The following LUZP2 variants were observed in gnomAD, a reference collection of about 807,000 sequenced individuals.
LUZP2 encodes the protein leucine zipper protein 2.
Under a neutral mutation model 51.6 loss-of-function variants are expected in LUZP2, and 52 were observed. The ratio of observed to expected loss-of-function variants is 1.01; its 90% CI spans 0.81 to 1.27. The LOEUF is 1.27. LUZP2 is among the 50% of genes most tolerant of loss of function. LUZP2 has a pLI of 0.00. For missense variants in LUZP2, 436 were observed against 395.4 expected, an observed-to-expected ratio of 1.10 and a Z score of -0.87; for synonymous variants, 154 against 137.3, an observed-to-expected ratio of 1.12 and a Z score of -0.85.
intron 1 of LUZP2, among the ~76,000 whole-genome samples, chr11:24,512,378 A>G (rs1352989810): frequency 6.6e-6 from 1 of 152,202 alleles, no homozygotes; most frequent in Admixed American, 6.5e-5. Flanking sequence ...CAAATAACTT[A>G]TCAAAGTGAT....
intron 5 of LUZP2, among the ~76,000 whole-genome samples, chr11:24,784,899 T>C (rs1849198272): frequency 6.6e-6 from 1 of 152,080 alleles, no homozygotes. Flanking sequence ...AATCACATGC[T>C]GTACATGTAA....
At chr11:24,700,338 A>G (rs1023352974) in intron 1 of LUZP2, among the ~76,000 whole-genome samples, 4 of 152,188 alleles carry the variant, frequency 2.6e-5, no homozygotes, top group African/African-American at 9.6e-5. Flanking sequence ...TGCTGGGATT[A>G]CAGGCATAAG....
intron 5 of LUZP2, among the ~76,000 whole-genome samples, chr11:24,850,505 G>A (rs1851358661): frequency 6.6e-6 from 1 of 151,780 alleles, no homozygotes; most frequent in Non-Finnish European, 1.5e-5. Context: ...CCAGTAACAT[G>A]CTGTTTTGGT....
rs542198751 is a variant in LUZP2, at chr11:24,940,567, T to C, written c.522+26029T>C. ...TTTCTCATCTGTAAGATGAAATTAA[T>C]GATAGCTTCTATGTTATACAGTCAT... is the stretch of plus-strand genomic sequence containing the variant. On this transcript the variant is annotated intron_variant, in intron 7 of 11. Coordinates refer to ENST00000336930, the MANE Select transcript of LUZP2 (RefSeq NM_001009909.4). 3.4e-3 allele frequency among the ~76,000 whole-genome samples: 517 copies of C among 152,350 alleles called. 1 individual carries two copies. Among genetic ancestry groups the C allele is most frequent in the African/African-American group, 0.012 (490 of 41,590 alleles).
chr11:24,833,584 A>T (rs1850762433), intron 5 of LUZP2, among the ~76,000 whole-genome samples: 3 of 152,082 alleles, frequency 2.0e-5, no homozygotes, highest in African/African-American at 7.2e-5. Context: ...TATCAGGTCA[A>T]ATTTTATTAA....
chr11:24,658,529 T>A, intron 1 of LUZP2, among the ~76,000 whole-genome samples: 1 of 152,126 alleles, frequency 6.6e-6, no homozygotes, highest in South Asian at 2.1e-4. Context: ...GGACTTCATG[T>A]CTAAAACACC....
chr11:24,897,440 C>G (rs1260899948), intron 5 of LUZP2, among the ~76,000 whole-genome samples: 1 of 152,190 alleles, frequency 6.6e-6, no homozygotes, highest in African/African-American at 2.4e-5. Context: ...AGCTTAACTT[C>G]TGAGGCCAGC....
chr11:24,501,637 C>A (rs1391595695), intron 1 of LUZP2, among the ~76,000 whole-genome samples: 2 of 151,968 alleles, frequency 1.3e-5, no homozygotes, highest in Non-Finnish European at 2.9e-5. Context: ...CTGAGAAATC[C>A]AAAAAGACTC....
chr11:24,680,951 T>G (rs941623892), intron 1 of LUZP2, among the ~76,000 whole-genome samples: 2 of 150,568 alleles, frequency 1.3e-5, no homozygotes, highest in Non-Finnish European at 2.9e-5. Context: ...ACACTCTTTA[T>G]GAGTCTTTAA....
At chr11:25,051,389 C>G (rs550929116) in intron 10 of LUZP2, among the ~76,000 whole-genome samples, 1 of 152,008 alleles carries the variant, frequency 6.6e-6, no homozygotes, top group Non-Finnish European at 1.5e-5. Flanking sequence ...AAACATGTAT[C>G]CAAACTATAC....
chr11:24,749,032 T>C (rs1859481605), intron 4 of LUZP2, among the ~76,000 whole-genome samples: 1 of 152,170 alleles, frequency 6.6e-6, no homozygotes, highest in Admixed American at 6.5e-5. Context: ...TATAAAGTAA[T>C]ACCAGAGGGC....
intron 5 of LUZP2, chr11:24,891,965 G>T (rs1852868956): frequency 1.0e-6 from 1 of 985,618 alleles, no homozygotes; most frequent in Non-Finnish European, 1.2e-6. Context: ...TATCAGCAGG[G>T]TGTCCAGTAC....
At chr11:24,582,854 C>G (rs1008998852) in intron 1 of LUZP2, among the ~76,000 whole-genome samples, 4 of 151,908 alleles carry the variant, frequency 2.6e-5, no homozygotes, top group Non-Finnish European at 5.9e-5. Context: ...TGAAAATCAG[C>G]CTAATTATGT....
At chr11:24,682,897 G>A (rs1385426492) in intron 1 of LUZP2, among the ~76,000 whole-genome samples, 4 of 151,930 alleles carry the variant, frequency 2.6e-5, no homozygotes, top group Non-Finnish European at 5.9e-5. Flanking sequence ...CCTGCTACTC[G>A]GGAGGCTGCG....
At chr11:24,776,771 G>C (rs1436277012) in intron 5 of LUZP2, among the ~76,000 whole-genome samples, 1 of 152,094 alleles carries the variant, frequency 6.6e-6, no homozygotes, top group Non-Finnish European at 1.5e-5. Flanking sequence ...AGAAGCTCTA[G>C]TCATATGATG....
At chr11:24,924,391 T>C (rs1854166625) in intron 7 of LUZP2, among the ~76,000 whole-genome samples, 1 of 152,072 alleles carries the variant, frequency 6.6e-6, no homozygotes, top group South Asian at 2.1e-4. Context: ...TTGCCCCTTT[T>C]ATTTACTCTC....
At chr11:24,804,975 G>A (rs1175869424) in intron 5 of LUZP2, among the ~76,000 whole-genome samples, 1 of 150,614 alleles carries the variant, frequency 6.6e-6, no homozygotes, top group Non-Finnish European at 1.5e-5. Flanking sequence ...GAGTAGCTGG[G>A]ACTAGAGGCA....
At chr11:24,499,775 A>G (rs1010458793) in intron 1 of LUZP2, among the ~76,000 whole-genome samples, 1 of 151,868 alleles carries the variant, frequency 6.6e-6, no homozygotes, top group African/African-American at 2.4e-5. Flanking sequence ...GCAAATATAT[A>G]TATATATTTG....
intron 5 of LUZP2, among the ~76,000 whole-genome samples, chr11:24,801,828 C>A (rs1849704653): frequency 6.7e-6 from 1 of 149,426 alleles, no homozygotes; most frequent in Non-Finnish European, 1.5e-5. Context: ...TTGGCTCTAC[C>A]ACTTAATAGC....
Sources: gnomAD v4.1 joint callset for allele counts (sites outside exome capture counted in the v4.1 genomes callset) on GRCh38, gnomAD v4.1.1 for gene constraint, MANE v1.5 for transcripts, NCBI Gene and HGNC (gene_info 2026-07-23, HGNC 2026-07-21) for gene names.